The following PHF20L1 variants were observed in gnomAD, a reference collection of about 807,000 sequenced individuals.
The protein encoded by PHF20L1 is PHD finger protein 20 like 1, also known as PHD finger protein 20-like protein 1.
Under a neutral mutation model 125.5 loss-of-function variants are expected in PHF20L1, and 44 were observed. That is an observed-to-expected ratio of 0.35 (90% confidence interval 0.28 to 0.45). The LOEUF (loss-of-function observed/expected upper bound fraction) is 0.45, where lower values mean the gene tolerates loss of function less well. PHF20L1 is among the 20% of genes least tolerant of loss of function. The probability of loss-of-function intolerance (pLI) is 1.00; values close to 1 mark genes in which losing one functional copy is unlikely to be tolerated. For synonymous variants in PHF20L1, 380 were observed against 403.1 expected, an observed-to-expected ratio of 0.94 and a Z score of 0.69; for missense variants, 1,012 against 1,217.2, an observed-to-expected ratio of 0.83 and a Z score of 2.51.
intron 1 of PHF20L1, 145 bp from the exon 2 acceptor site, chr8:132,777,647 C>T (rs888683610): frequency 5.6e-6 from 3 of 534,576 alleles, no homozygotes; most frequent in African/African-American, 1.9e-5. Context: ...AATACTCCTT[C>T]AAATTTCTTA....
intron 8 of PHF20L1, chr8:132,809,141 A>G (rs1834072442): frequency 6.6e-6 from 1 of 152,012 alleles, no homozygotes; most frequent in African/African-American, 2.4e-5. Context: ...CTACTTTAAG[A>G]AGATAATTTT....
At chr8:132,821,235 T>C (rs987640613) in intron 12 of PHF20L1, among the ~76,000 whole-genome samples, 5 of 152,008 alleles carry the variant, frequency 3.3e-5, no homozygotes, top group Non-Finnish European at 7.4e-5. Flanking sequence ...GATACTTACA[T>C]AGATACTATG....
chr8:132,819,711 C>A (rs1379319663), intron 12 of PHF20L1, among the ~76,000 whole-genome samples: 1 of 151,770 alleles, frequency 6.6e-6, no homozygotes, highest in Non-Finnish European at 1.5e-5. Context: ...CATATATGCA[C>A]ATACTCATAC....
chr8:132,832,419 G>T lies in PHF20L1; in HGVS notation c.1909+20G>T. 1 of 1,568,844 alleles carries T rather than the reference G, an allele frequency of 6.4e-7. No individual in the cohort carries two copies. Among genetic ancestry groups the T allele is most frequent in the Non-Finnish European group, 8.8e-7 (1 of 1,142,046 alleles). ...GTGAAAGTATGTGTAACCATGTGAT[G>T]GTTAAAACAAGACTTACAATTCCTA... On this transcript the variant is annotated intron_variant, in intron 15 of 20. Transcript: ENST00000395386.
intron 8 of PHF20L1, chr8:132,807,665 GTTCCCCT>G: frequency 6.7e-6 from 3 of 447,334 alleles, no homozygotes; most frequent in South Asian, 4.8e-5. Flanking sequence ...CTCTTTCTTT[GTTCCCCT>G]TTCCCATTCC....
intron 2 of PHF20L1, chr8:132,788,992 T>A (rs1203628998): frequency 6.6e-6 from 1 of 152,140 alleles, no homozygotes; most frequent in Non-Finnish European, 1.5e-5. Flanking sequence ...AGTCTCCTGA[T>A]CTAGTGGGTG....
chr8:132,847,835 C>G lies in PHF20L1; in HGVS notation c.*1912C>G, dbSNP rs1249691716. ...GGGGTAATTGCTTAAATTTACATAT[C>G]AAAGTAAAAAAGTAGTGCCTGTATT... is the stretch of plus-strand genomic sequence containing the variant. On this transcript the variant is annotated 3_prime_UTR_variant, in exon 21 of 21. Coordinates refer to ENST00000395386, the MANE Select transcript of PHF20L1 (RefSeq NM_016018.5). 6.6e-6 allele frequency: 1 copy of G among 152,404 alleles called. No homozygotes were observed. Among genetic ancestry groups the G allele is most frequent in the Non-Finnish European group, 1.5e-5 (1 of 67,956 alleles). The allele number at this position is 152,404 out of a possible 1,614,324, so 9.4% of individuals were successfully genotyped here.
chr8:132,833,509 A>C (rs1837008052), intron 15 of PHF20L1, among the ~76,000 whole-genome samples: 1 of 152,030 alleles, frequency 6.6e-6, no homozygotes, highest in Admixed American at 6.6e-5. Flanking sequence ...GGTTCTTCTA[A>C]ACTATACTGA....
chr8:132,836,622 T>G lies in PHF20L1; in HGVS notation c.1992T>G (p.Asp664Glu). Residue 664 changes from aspartate (D) to glutamate (E), a missense_variant, in exon 16 of 21, where the codon GAT (aspartate) becomes GAG (glutamate). Transcript: ENST00000395386. ...LSGDEYNQDF[D>E]STNFEESQDE... ...GGGATGAATACAATCAGGACTTTGATTCAACCAATTTTGAGGAATCTCAGG... is the reference window on the plus strand; with the variant it reads ...GGGATGAATACAATCAGGACTTTGAGTCAACCAATTTTGAGGAATCTCAGG... The G allele has an allele frequency of 6.2e-7, 1 of 1,613,048 alleles. No individual in the cohort carries two copies. Among genetic ancestry groups the G allele is most frequent in the South Asian group, 1.1e-5 (1 of 91,052 alleles).
At chr8:132,844,998 G>A (rs1161698261) in intron 20 of PHF20L1, among the ~76,000 whole-genome samples, 1 of 151,850 alleles carries the variant, frequency 6.6e-6, no homozygotes, top group Admixed American at 6.6e-5. Flanking sequence ...TCTACACTAA[G>A]TTAGAGCTCC....
At chr8:132,844,423 C>G (rs1838235840) in intron 20 of PHF20L1, 105 bp downstream of exon 20, 1 of 807,330 alleles carries the variant, frequency 1.2e-6, no homozygotes, top group Non-Finnish European at 1.9e-6. Context: ...TGCAGATACT[C>G]TCCATACCGA....
chr8:132,803,719 T>A, intron 6 of PHF20L1, 100 bp from the exon 7 acceptor site: 1 of 655,276 alleles, frequency 1.5e-6, no homozygotes, highest in Non-Finnish European at 2.7e-6. Flanking sequence ...TGTAGTTACC[T>A]GTGAAAGTAG....
intron 14 of PHF20L1, among the ~76,000 whole-genome samples, chr8:132,829,470 TTAA>T (rs1429174634): frequency 6.6e-6 from 1 of 152,080 alleles, no homozygotes; most frequent in Non-Finnish European, 1.5e-5. Context: ...TACCTGGCAT[TTAA>T]TAAATGTCCT....
At chr8:132,827,705 T>C (rs904390456) in intron 14 of PHF20L1, among the ~76,000 whole-genome samples, 9 of 152,010 alleles carry the variant, frequency 5.9e-5, no homozygotes, top group African/African-American at 1.9e-4. Context: ...CACCTTAGAA[T>C]TGTGACCAGC....
intron 12 of PHF20L1, among the ~76,000 whole-genome samples, chr8:132,819,642 T>A (rs373427459): frequency 6.6e-6 from 1 of 151,760 alleles, no homozygotes; most frequent in Non-Finnish European, 1.5e-5. Context: ...CCCAAGTCCT[T>A]TTACATCTAG....
chr8:132,833,711 A>G (rs919140690), intron 15 of PHF20L1, among the ~76,000 whole-genome samples: 4 of 152,110 alleles, frequency 2.6e-5, no homozygotes, highest in African/African-American at 9.7e-5. Context: ...TATCTAGGCT[A>G]GTTGTGGTGC....
chr8:132,829,305 C>T lies in PHF20L1; in HGVS notation c.1745-2930C>T, dbSNP rs180871595. Among the ~76,000 whole-genome samples, 31 of 152,062 alleles carry T rather than the reference C, an allele frequency of 2.0e-4. No homozygotes were observed. In the East Asian group the frequency reaches 5.8e-3, roughly 29 times the overall value. The stretch of plus-strand genomic sequence containing the variant: ...TTTAGTATAGGTATTCAAATCCTGC[C>T]CGTAACACTTACAGCTAAGCGACCT... On this transcript the variant is annotated intron_variant, in intron 14 of 20. Transcript: ENST00000395386.
At chr8:132,783,630 A>G (rs1203619655) in intron 2 of PHF20L1, among the ~76,000 whole-genome samples, 2 of 152,142 alleles carry the variant, frequency 1.3e-5, no homozygotes, top group Admixed American at 1.3e-4. Flanking sequence ...GAATACTTCA[A>G]AAATAGAGGT....
In PHF20L1 at chr8:132,814,852, T is replaced by G; in HGVS notation, c.1146T>G (p.Leu382=). The G allele has an allele frequency of 6.2e-7, 1 of 1,609,808 alleles. No individual in the cohort carries two copies. The highest frequency in any genetic ancestry group is 8.5e-7 in the Non-Finnish European group (1 of 1,176,714). Residue 382 remains leucine (L), a synonymous_variant, in exon 10 of 21, where the codon CTT becomes CTG. Coordinates refer to ENST00000395386, the MANE Select transcript of PHF20L1 (RefSeq NM_016018.5). ...TAATACAAGTCGAGGATTTGACGCT[T>G]GTATCTCAGCTTTCTTCTTCAGTGA... ...PELIQVEDLT[L]VSQLSSSVIN...
Sources: allele counts gnomAD v4.1 joint callset (sites outside exome capture counted in the v4.1 genomes callset), GRCh38; gene constraint gnomAD v4.1.1; transcripts MANE v1.5; gene names NCBI Gene and HGNC (gene_info 2026-07-23, HGNC 2026-07-21).